Variants in SPAG16 observed in about 807,000 individuals in gnomAD.
SPAG16 encodes sperm-associated antigen 16 protein.
In SPAG16, 86 loss-of-function variants were observed where a neutral mutation model predicts 80.4. That is an observed-to-expected ratio of 1.07 (90% CI 0.90 to 1.28). The LOEUF (loss-of-function observed/expected upper bound fraction) is 1.28. Among genes scored for constraint, SPAG16 ranks in the 50% most tolerant of loss-of-function variants. The pLI, the probability that SPAG16 is intolerant of heterozygous loss-of-function variation, is 0.00. For synonymous variants in SPAG16, 294 were observed against 265.9 expected, an observed-to-expected ratio of 1.11 and a Z score of -1.03; for missense variants, 870 against 765.3, an observed-to-expected ratio of 1.14 and a Z score of -1.61.
chr2:214,158,368 A>T (rs928251687), intron 15 of SPAG16, among the ~76,000 whole-genome samples: 1 of 152,068 alleles, frequency 6.6e-6, no homozygotes, highest in African/African-American at 2.4e-5. Context: ...TGATATAAAA[A>T]TATTATTTAA....
At chr2:213,996,590 ATGGAGTCTCTCCCTGTCACTCAGGC>A (rs761297235) in intron 12 of SPAG16, among the ~76,000 whole-genome samples, 452 of 120,236 alleles carry the variant, frequency 3.8e-3, no homozygotes, top group South Asian at 0.026. Flanking sequence ...TTTTTTTGAG[ATGGAGTCTCTCCCTGTCACTCAGGC>A]TGGAGTGCAA....
At chr2:214,179,018 C>G (rs1043386763) in intron 15 of SPAG16, among the ~76,000 whole-genome samples, 8 of 151,346 alleles carry the variant, frequency 5.3e-5, no homozygotes, top group Non-Finnish European at 8.9e-5. Flanking sequence ...TCTACAATCA[C>G]TATAAAACTA....
At chr2:213,768,568 T>C (rs934355468) in intron 10 of SPAG16, among the ~76,000 whole-genome samples, 1 of 152,154 alleles carries the variant, frequency 6.6e-6, no homozygotes, top group Non-Finnish European at 1.5e-5. Flanking sequence ...GATCTAAATT[T>C]TGAATTTGGA....
chr2:214,287,980 A>G (rs1013935978), intron 15 of SPAG16, among the ~76,000 whole-genome samples: 5 of 152,164 alleles, frequency 3.3e-5, no homozygotes, highest in East Asian at 1.9e-4. Flanking sequence ...GTTGCTAACT[A>G]TAATCACCCT....
intron 9 of SPAG16, among the ~76,000 whole-genome samples, chr2:213,444,938 C>T (rs1328086796): frequency 6.6e-6 from 1 of 151,994 alleles, no homozygotes; most frequent in Non-Finnish European, 1.5e-5. Context: ...GAAATAAATC[C>T]ACTCATTTAC....
intron 15 of SPAG16, among the ~76,000 whole-genome samples, chr2:214,205,249 A>G (rs972483798): frequency 2.0e-5 from 3 of 152,134 alleles, no homozygotes; most frequent in African/African-American, 7.2e-5. Context: ...AAGAAGCTAT[A>G]TCAAAAAAAT....
chr2:213,674,522 T>A (rs1379041203), intron 10 of SPAG16, among the ~76,000 whole-genome samples: 1 of 150,376 alleles, frequency 6.6e-6, no homozygotes, highest in Non-Finnish European at 1.5e-5. Context: ...CTCCCAATGC[T>A]ATCCCTCCCC....
intron 15 of SPAG16, among the ~76,000 whole-genome samples, chr2:214,391,657 A>G (rs938148997): frequency 1.3e-5 from 2 of 152,220 alleles, no homozygotes; most frequent in African/African-American, 4.8e-5. Context: ...CTGACTTAAC[A>G]GAGTGGGAGA....
At chr2:213,637,057 A>G (rs573129965) in intron 10 of SPAG16, among the ~76,000 whole-genome samples, 5 of 152,180 alleles carry the variant, frequency 3.3e-5, no homozygotes, top group African/African-American at 9.6e-5. Flanking sequence ...TGCTTTCAAC[A>G]TTTCCTTGTT....
chr2:213,840,528 AC>A (rs2074311556), intron 10 of SPAG16, among the ~76,000 whole-genome samples: 1 of 152,222 alleles, frequency 6.6e-6, no homozygotes, highest in South Asian at 2.1e-4. Context: ...AAGTTCGATC[AC>A]TGCTAAATAG....
chr2:214,214,185 C>CTTTTTTTTTT lies in SPAG16; in HGVS notation c.1720+64923_1720+64932dup, dbSNP rs71399124. On this transcript the variant is annotated intron_variant, in intron 15 of 15. Transcript: ENST00000331683. ...ATATCCTTCCCAACCTTCCTTTTTACTTTTTTTTTTTTTGAGACAGAGTCA... is the reference window on the plus strand; with the variant it reads ...ATATCCTTCCCAACCTTCCTTTTTACTTTTTTTTTTTTTTTTTTTTTTTGAGACAGAGTCA... Among the ~76,000 whole-genome samples the CTTTTTTTTTT allele has an allele frequency of 7.1e-5, 10 of 140,054 alleles. 1 individual carries two copies. Among genetic ancestry groups the CTTTTTTTTTT allele is most frequent in the Admixed American group, 2.1e-4 (3 of 13,988 alleles). 91.9% of individuals were successfully genotyped at this position (140,054 alleles called of 152,430 possible).
At chr2:213,564,691 T>C (rs2059703238) in intron 10 of SPAG16, among the ~76,000 whole-genome samples, 1 of 152,180 alleles carries the variant, frequency 6.6e-6, no homozygotes, top group Admixed American at 6.5e-5. Context: ...CCTCCTAACA[T>C]TTATTGAACA....
At chr2:213,694,760 C>G (rs2065089025) in intron 10 of SPAG16, among the ~76,000 whole-genome samples, 1 of 144,328 alleles carries the variant, frequency 6.9e-6, no homozygotes, top group Non-Finnish European at 1.5e-5. Flanking sequence ...CTTTCTTTAT[C>G]CTTCTCTTTT....
At chr2:214,404,435 C>T (rs1308997090) in intron 15 of SPAG16, among the ~76,000 whole-genome samples, 2 of 152,124 alleles carry the variant, frequency 1.3e-5, no homozygotes, top group Non-Finnish European at 1.5e-5. Flanking sequence ...GTTGTTGTTG[C>T]TGCTGCTACT....
chr2:213,950,750 C>G lies in SPAG16; in HGVS notation c.1400+20605C>G, dbSNP rs181401471. On this transcript the variant is annotated intron_variant, in intron 12 of 15. Coordinates refer to ENST00000331683, the MANE Select transcript of SPAG16 (RefSeq NM_024532.5). ...CCTCAAGACGGTCTTGCTCTGTCGC[C>G]CAGACTGGAGTGCAGTGGCATGATC... 5.4e-3 allele frequency among the ~76,000 whole-genome samples: 786 copies of G among 146,068 alleles called. 40 individuals are homozygous for G. Among genetic ancestry groups the G allele is most frequent in the Admixed American group, 0.052 (754 of 14,382 alleles).
At chr2:214,270,843 CA>C (rs986347205) in intron 15 of SPAG16, among the ~76,000 whole-genome samples, 14 of 152,058 alleles carry the variant, frequency 9.2e-5, no homozygotes, top group Admixed American at 6.6e-5. Context: ...GCTGTCACAG[CA>C]CATTTTTTAT....
chr2:214,083,927 G>T (rs1403449988), intron 13 of SPAG16, among the ~76,000 whole-genome samples: 1 of 151,728 alleles, frequency 6.6e-6, no homozygotes, highest in South Asian at 2.1e-4. Flanking sequence ...CCTAGTGTAT[G>T]CTTACTATTG....
intron 9 of SPAG16, among the ~76,000 whole-genome samples, chr2:213,487,092 C>A (rs576489562): frequency 1.1e-4 from 16 of 152,058 alleles, no homozygotes; most frequent in African/African-American, 3.9e-4. Context: ...TGTGGTGGAG[C>A]TGAGTTGCTA....
chr2:214,005,614 A>G (rs2046994470), intron 12 of SPAG16, among the ~76,000 whole-genome samples: 1 of 152,202 alleles, frequency 6.6e-6, no homozygotes, highest in Non-Finnish European at 1.5e-5. Context: ...GGTAGATTTT[A>G]TTTAGATCTC....
Sources: gnomAD v4.1 joint callset for allele counts (sites outside exome capture counted in the v4.1 genomes callset) on GRCh38, gnomAD v4.1.1 for gene constraint, MANE v1.5 for transcripts, NCBI Gene and HGNC (gene_info 2026-07-23, HGNC 2026-07-21) for gene names.